Variants in ZNF385D observed in about 807,000 individuals in gnomAD.
ZNF385D encodes zinc finger protein 385D, also known as zinc finger protein 659.
ZNF385D carries 15 observed loss-of-function variants against 35.8 expected under a neutral mutation model. The ratio of observed to expected loss-of-function variants is 0.42; its 90% confidence interval spans 0.28 to 0.64. The LOEUF is 0.64. Among genes scored for constraint, ZNF385D ranks in the 30% least tolerant of loss-of-function variants. The pLI is 0.23. For missense variants in ZNF385D, 474 were observed against 494.6 expected, an observed-to-expected ratio of 0.96 and a Z score of 0.39; for synonymous variants, 212 against 186.8, an observed-to-expected ratio of 1.13 and a Z score of -1.10.
At chr3:22,201,399 G>A (rs1172618297) in intron 2 of ZNF385D, among the ~76,000 whole-genome samples, 1 of 152,104 alleles carries the variant, frequency 6.6e-6, no homozygotes, top group Admixed American at 6.6e-5. Context: ...AAAAATAGTA[G>A]AGGTAGCTAT....
intron 3 of ZNF385D, among the ~76,000 whole-genome samples, chr3:21,765,742 G>GAC (rs1361245515): frequency 7.4e-6 from 1 of 135,612 alleles, no homozygotes; most frequent in Admixed American, 7.6e-5. Context: ...AAGAGAGAGA[G>GAC]ACAGAGAGAG....
At chr3:22,214,380 G>A (rs1214479873) in intron 2 of ZNF385D, among the ~76,000 whole-genome samples, 2 of 152,058 alleles carry the variant, frequency 1.3e-5, no homozygotes, top group African/African-American at 4.8e-5. Flanking sequence ...GGGCATGTGT[G>A]TTTGAACAAT....
At chr3:21,540,500 A>T (rs2062147105) in intron 3 of ZNF385D, among the ~76,000 whole-genome samples, 1 of 152,232 alleles carries the variant, frequency 6.6e-6, no homozygotes, top group African/African-American at 2.4e-5. Context: ...GGACGAAAAA[A>T]GTTGATTATC....
upstream of ZNF385D, among the ~76,000 whole-genome samples, chr3:21,755,560 A>T (rs2070303009): frequency 1.3e-5 from 2 of 152,202 alleles, no homozygotes; most frequent in African/African-American, 4.8e-5. Flanking sequence ...GTCTTCTGAG[A>T]ACATTTTTCT....
At chr3:21,552,349 T>C (rs780202719) in intron 3 of ZNF385D, among the ~76,000 whole-genome samples, 2 of 152,188 alleles carry the variant, frequency 1.3e-5, no homozygotes, top group African/African-American at 2.4e-5. Flanking sequence ...TTGGTACTTA[T>C]GGACATGGCT....
intron 3 of ZNF385D, among the ~76,000 whole-genome samples, chr3:22,156,019 G>T (rs2125729590): frequency 6.6e-6 from 1 of 152,204 alleles, no homozygotes; most frequent in South Asian, 2.1e-4. Context: ...GCTTGTCCCA[G>T]TAACTCCCAT....
chr3:22,235,129 G>A (rs948236973), intron 2 of ZNF385D, among the ~76,000 whole-genome samples: 2 of 152,044 alleles, frequency 1.3e-5, no homozygotes, highest in African/African-American at 4.8e-5. Context: ...ATGTGTATGT[G>A]TGTGTGTGCA....
chr3:22,364,596 A>G (rs1017394184), intron 2 of ZNF385D, among the ~76,000 whole-genome samples: 2 of 152,104 alleles, frequency 1.3e-5, no homozygotes, highest in Non-Finnish European at 1.5e-5. Context: ...AAAATAGAAA[A>G]TATGCATTGG....
At chr3:22,022,802 C>T (rs1025305381) in intron 3 of ZNF385D, among the ~76,000 whole-genome samples, 8 of 152,072 alleles carry the variant, frequency 5.3e-5, no homozygotes, top group African/African-American at 1.9e-4. Flanking sequence ...TAGTACTGTT[C>T]TTTCAAATAA....
In ZNF385D at chr3:21,421,438, C is replaced by T. The variant is rs756970131; in HGVS notation, c.964G>A (p.Val322Ile). ...GGCTTTGAAGGTTCTTTTGAAAATA[C>T]TAATTTTACCTGCAAGGGAGAAAAA... ...KTAHPLGVKL[V>I]FSKEPSKPLA... The change falls in exon 8 of 8, where the codon GTA (valine) becomes ATA (isoleucine). Residue 322 changes from valine (V) to isoleucine (I), a missense_variant. Transcript: ENST00000281523. The T allele has an allele frequency of 1.9e-6, 3 of 1,609,364 alleles. No individual in the cohort carries two copies. The highest frequency in any genetic ancestry group is 2.5e-6 in the Non-Finnish European group (3 of 1,176,498).
At chr3:21,594,755 C>T (rs1194237842) in intron 2 of ZNF385D, among the ~76,000 whole-genome samples, 1 of 152,112 alleles carries the variant, frequency 6.6e-6, no homozygotes, top group African/African-American at 2.4e-5. Context: ...TAAGTTTAAT[C>T]CTATGTTTAG....
At chr3:22,255,443 T>C (rs1384347721) in intron 2 of ZNF385D, among the ~76,000 whole-genome samples, 1 of 151,918 alleles carries the variant, frequency 6.6e-6, no homozygotes. Context: ...TTGGGGATTC[T>C]TTTCATATTC....
chr3:22,128,286 T>C lies in ZNF385D; in HGVS notation c.325+40531A>G, dbSNP rs140949381. Among the ~76,000 whole-genome samples the C allele has an allele frequency of 1.3e-3, 193 of 152,326 alleles. 4 individuals are homozygous for C. The East Asian group carries it at 0.022, about 18-fold the overall frequency. On this transcript the variant is annotated intron_variant, in intron 3 of 5. Transcript: ENST00000494108. Reference sequence around the variant, plus strand: ...AGCTCTTTTATGTGTTATTTATTTATTTCTTTTCTCTTGCTATTCTTAGAA... The same window carrying C: ...AGCTCTTTTATGTGTTATTTATTTACTTCTTTTCTCTTGCTATTCTTAGAA...
chr3:21,454,639 A>G (rs1177191667), intron 4 of ZNF385D, among the ~76,000 whole-genome samples: 3 of 152,190 alleles, frequency 2.0e-5, no homozygotes, highest in Non-Finnish European at 2.9e-5. Flanking sequence ...TATCATACTG[A>G]ATGGGCAAAA....
At chr3:21,831,873 G>A (rs1037455125) in intron 3 of ZNF385D, among the ~76,000 whole-genome samples, 2 of 152,098 alleles carry the variant, frequency 1.3e-5, no homozygotes, top group Non-Finnish European at 2.9e-5. Flanking sequence ...ATCAAAATAA[G>A]CTGCAGTTTG....
chr3:21,995,412 G>A (rs1695401319), intron 3 of ZNF385D, among the ~76,000 whole-genome samples: 1 of 152,128 alleles, frequency 6.6e-6, no homozygotes, highest in South Asian at 2.1e-4. Flanking sequence ...AGTGAGTGAG[G>A]CTAGTTTATC....
chr3:22,012,884 A>G (rs760201456), intron 3 of ZNF385D, among the ~76,000 whole-genome samples: 12 of 152,168 alleles, frequency 7.9e-5, no homozygotes, highest in Non-Finnish European at 1.8e-4. Context: ...GAGTTTCTCA[A>G]TTAAGTAATC....
intron 5 of ZNF385D, among the ~76,000 whole-genome samples, chr3:21,428,954 C>CTTTTTTTT (rs1701156999): frequency 1.6e-5 from 1 of 63,340 alleles, no homozygotes; most frequent in Non-Finnish European, 3.5e-5. Flanking sequence ...TTGCTTTCTG[C>CTTTTTTTT]TTAATTGTTC....
intron 3 of ZNF385D, among the ~76,000 whole-genome samples, chr3:21,976,011 T>G (rs1703597771): frequency 6.6e-6 from 1 of 151,964 alleles, no homozygotes; most frequent in Non-Finnish European, 1.5e-5. Context: ...TTCAGAGCCT[T>G]CAAAGAAGAA....
Sources: allele counts gnomAD v4.1 joint callset (sites outside exome capture counted in the v4.1 genomes callset), GRCh38; gene constraint gnomAD v4.1.1; transcripts MANE v1.5; gene names NCBI Gene and HGNC (gene_info 2026-07-23, HGNC 2026-07-21).